The following DAB1 variants were observed in gnomAD, a reference collection of about 807,000 sequenced individuals.
The protein encoded by DAB1 is disabled homolog 1.
A neutral mutation model predicts 64.6 loss-of-function variants in DAB1; 15 were observed. The observed-to-expected ratio is 0.23, with a 90% CI of 0.16 to 0.36. The LOEUF (loss-of-function observed/expected upper bound fraction) is 0.36. Ranked by LOEUF, DAB1 falls within the 10% of genes least tolerant of loss-of-function variation. DAB1 has a pLI of 1.00. For synonymous variants in DAB1, 235 were observed against 251.9 expected (o/e 0.93, Z 0.64); for missense variants, 596 against 706.7 (o/e 0.84, Z 1.78).
At chr1:58,002,558 C>A (rs1374465932) in intron 5 of DAB1, among the ~76,000 whole-genome samples, 4 of 152,216 alleles carry the variant, frequency 2.6e-5, no homozygotes, top group African/African-American at 7.2e-5. Flanking sequence ...CTGTGAGGTT[C>A]TGTACATTGA....
intron 2 of DAB1, among the ~76,000 whole-genome samples, chr1:57,199,350 C>T (rs1273247841): frequency 2.0e-5 from 3 of 152,234 alleles, no homozygotes; most frequent in African/African-American, 4.8e-5. Context: ...GCAGGACTGC[C>T]TCTTCCAGAG....
intron 5 of DAB1, among the ~76,000 whole-genome samples, chr1:58,128,263 C>G (rs1004887907): frequency 1.3e-5 from 2 of 151,082 alleles, no homozygotes; most frequent in Non-Finnish European, 2.9e-5. Flanking sequence ...CTCTGTTTGT[C>G]TGTTGTTGGT....
At chr1:57,063,801 A>AC (rs1327827233) in intron 8 of DAB1, among the ~76,000 whole-genome samples, 1 of 152,248 alleles carries the variant, frequency 6.6e-6, no homozygotes, top group East Asian at 1.9e-4. Context: ...TATGATACTA[A>AC]CGATAGTGGA....
rs140719966 is a variant in DAB1 at position 57,862,217 on chromosome 1, T to G, written n.87+21782A>C. 2.8e-4 allele frequency among the ~76,000 whole-genome samples: 43 copies of G among 152,334 alleles called. 1 individual carries two copies. Among genetic ancestry groups the G allele is most frequent in the African/African-American group, 1.0e-3 (42 of 41,582 alleles). ...ATTATTCATTCTGACAACAGCCTCATGAAATAGATAGTATTATCTTGATTT... is the reference window on the plus strand; with the variant it reads ...ATTATTCATTCTGACAACAGCCTCAGGAAATAGATAGTATTATCTTGATTT... On this transcript the variant is annotated intron_variant and non_coding_transcript_variant, in intron 1 of 1. Transcript: ENST00000477280.
At chr1:57,103,501 T>C (rs1387599532) in intron 4 of DAB1, among the ~76,000 whole-genome samples, 3 of 152,160 alleles carry the variant, frequency 2.0e-5, no homozygotes, top group Non-Finnish European at 4.4e-5. Flanking sequence ...GAGATCACCC[T>C]TTGCAAAGTA....
In DAB1 at chr1:57,036,411, C is replaced by G. The variant is rs145810097; in HGVS notation, c.724-10368G>C. On this transcript the variant is annotated intron_variant, in intron 9 of 14. Transcript: ENST00000371236. ...GGCTCAGTCATTTCTCAGAGCTGCT[C>G]TCTTACAGCTACCTGTTTGGGGCAA... 5.3e-3 allele frequency among the ~76,000 whole-genome samples: 800 copies of G among 152,256 alleles called. 7 individuals are homozygous for G. The highest frequency in any genetic ancestry group is 0.017 in the African/African-American group (710 of 41,546).
chr1:57,529,088 G>A (rs1001192247), intron 7 of DAB1, among the ~76,000 whole-genome samples: 3 of 151,612 alleles, frequency 2.0e-5, no homozygotes, highest in Admixed American at 2.0e-4. Context: ...AAAAGGGATG[G>A]GGTTAATAGA....
intron 3 of DAB1, among the ~76,000 whole-genome samples, chr1:58,467,679 T>C (rs1397498151): frequency 2.6e-5 from 4 of 152,202 alleles, no homozygotes; most frequent in African/African-American, 7.2e-5. Flanking sequence ...TCCCAAAACA[T>C]AGCCAATTTC....
chr1:58,186,494 C>T (rs75664141), intron 4 of DAB1, among the ~76,000 whole-genome samples: 2 of 152,078 alleles, frequency 1.3e-5, no homozygotes, highest in African/African-American at 4.8e-5. Context: ...AAATGTTAGA[C>T]AAATGGTAGA....
chr1:57,055,264 C>T (rs1649632268), intron 9 of DAB1, among the ~76,000 whole-genome samples: 1 of 152,138 alleles, frequency 6.6e-6, no homozygotes, highest in Admixed American at 6.5e-5. Context: ...TATATTGGCT[C>T]ACAATTCCTA....
intron 7 of DAB1, among the ~76,000 whole-genome samples, chr1:57,553,559 C>T (rs1644952631): frequency 6.6e-6 from 1 of 151,532 alleles, no homozygotes; most frequent in Admixed American, 6.6e-5. Flanking sequence ...AGGAAAACAA[C>T]TTAAAAGCCT....
At chr1:58,390,697 C>T (rs1000342116) in intron 3 of DAB1, among the ~76,000 whole-genome samples, 6 of 152,156 alleles carry the variant, frequency 3.9e-5, no homozygotes, top group Non-Finnish European at 8.8e-5. Flanking sequence ...TTCATATATG[C>T]CAGGCCCTGT....
At position 58,044,712 on chromosome 1, in the gene DAB1, T is replaced by C. The variant is rs561826568; in HGVS notation, n.387+105799A>G. Among the ~76,000 whole-genome samples, 11 of 152,288 alleles carry C rather than the reference T, an allele frequency of 7.2e-5. No homozygotes were observed. The East Asian group carries it at 7.7e-4, about 11-fold the overall frequency. ...GTTCTGACACGTACTAACTCAGTCT[T>C]ACCCTGTTTCAATATCTGTCGATTA... On this transcript the variant is annotated intron_variant and non_coding_transcript_variant, in intron 5 of 20. Transcript: ENST00000485760.
intron 5 of DAB1, among the ~76,000 whole-genome samples, chr1:58,101,478 G>A (rs1001101868): frequency 6.6e-6 from 1 of 152,114 alleles, no homozygotes; most frequent in African/African-American, 2.4e-5. Context: ...GGGTACCTGG[G>A]GGGTAAGGGG....
intron 7 of DAB1, among the ~76,000 whole-genome samples, chr1:57,473,473 C>G (rs1419031243): frequency 6.6e-6 from 1 of 152,216 alleles, no homozygotes; most frequent in Admixed American, 6.5e-5. Flanking sequence ...TTCCCCCACC[C>G]TATCTTGCTT....
At chr1:58,377,246 C>A (rs1305905804) in intron 3 of DAB1, among the ~76,000 whole-genome samples, 1 of 148,022 alleles carries the variant, frequency 6.8e-6, no homozygotes, top group Non-Finnish European at 1.5e-5. Context: ...TGATTTTGCT[C>A]GTTAGTTGAT....
intron 2 of DAB1, among the ~76,000 whole-genome samples, chr1:57,257,949 G>A (rs576728198): frequency 9.9e-5 from 15 of 152,264 alleles, no homozygotes; most frequent in Admixed American, 9.8e-4. Context: ...CCTACCTTAA[G>A]AGCCTTAGTT....
intron 1 of DAB1, among the ~76,000 whole-genome samples, chr1:57,390,590 C>T (rs1682266835): frequency 6.6e-6 from 1 of 152,106 alleles, no homozygotes; most frequent in Non-Finnish European, 1.5e-5. Context: ...TTCTTCTGGA[C>T]AATTAACACT....
At chr1:57,165,014 G>A (rs550704772) in intron 2 of DAB1, among the ~76,000 whole-genome samples, 1 of 152,148 alleles carries the variant, frequency 6.6e-6, no homozygotes, top group East Asian at 1.9e-4. Flanking sequence ...CTGCCCCAGG[G>A]ACCCTTGGTT....
Sources: gnomAD v4.1 joint callset for allele counts (sites outside exome capture counted in the v4.1 genomes callset) on GRCh38, gnomAD v4.1.1 for gene constraint, MANE v1.5 for transcripts, NCBI Gene and HGNC (gene_info 2026-07-23, HGNC 2026-07-21) for gene names.